HECW1: variants seen among roughly 807,000 people sequenced by gnomAD.
HECW1 encodes the protein HECT, C2 and WW domain containing E3 ubiquitin protein ligase 1.
Under a neutral mutation model 182.3 loss-of-function variants are expected in HECW1, and 61 were observed. The observed-to-expected ratio is 0.33, with a 90% confidence interval of 0.27 to 0.41. HECW1 has a LOEUF of 0.41. Among genes scored for constraint, HECW1 ranks in the 10% least tolerant of loss-of-function variants. HECW1 has a pLI of 1.00. For missense variants in HECW1, 1,739 were observed against 2,108.9 expected, an observed-to-expected ratio of 0.82 and a Z score of 3.44; for synonymous variants, 859 against 832.6, an observed-to-expected ratio of 1.03 and a Z score of -0.55.
rs1328771024 is a variant in HECW1, at chr7:43,565,037, T to G, written c.*3111T>G. 1 of 190,606 alleles carries G rather than the reference T, an allele frequency of 5.2e-6. No individual in the cohort carries two copies. The highest frequency in any genetic ancestry group is 2.3e-5 in the African/African-American group (1 of 42,896). The allele number at this position is 190,606 out of a possible 1,614,324, so 11.8% of individuals were successfully genotyped here. A position where few individuals can be genotyped will look rare whatever the true frequency, so the allele number is the denominator to read the frequency against. ...ACAAGAACAATAAATAAGAGAAGAT[T>G]TATGTTACAACTTTGAAAAATGCTT... On this transcript the variant is annotated 3_prime_UTR_variant, in exon 30 of 30. Coordinates refer to ENST00000395891, the MANE Select transcript of HECW1 (RefSeq NM_015052.5).
intron 21 of HECW1, among the ~76,000 whole-genome samples, chr7:43,503,271 G>A (rs1031728818): frequency 6.6e-6 from 1 of 152,168 alleles, no homozygotes; most frequent in African/African-American, 2.4e-5. Flanking sequence ...AGCACTCATA[G>A]GATGACCTAC....
chr7:43,416,641 T>G (rs1455532528), intron 8 of HECW1, among the ~76,000 whole-genome samples: 1 of 148,680 alleles, frequency 6.7e-6, no homozygotes, highest in East Asian at 2.0e-4. Context: ...GCTGCCGCCT[T>G]GCAGTTTGAT....
intron 2 of HECW1, among the ~76,000 whole-genome samples, chr7:43,126,775 TTA>T (rs1562572838): frequency 6.6e-6 from 1 of 152,210 alleles, no homozygotes; most frequent in Non-Finnish European, 1.5e-5. Flanking sequence ...TTAAGCTTCT[TTA>T]TTATGATATC....
At chr7:43,493,330 CG>C (rs1356597469) in intron 19 of HECW1, 150 bp downstream of exon 19, 2 of 559,726 alleles carry the variant, frequency 3.6e-6, no homozygotes, top group East Asian at 2.9e-5. Context: ...ATGAAGGGTT[CG>C]GGGTTCCTGT....
chr7:43,456,179 C>A, intron 12 of HECW1, 118 bp from the exon 13 acceptor site: 1 of 1,023,646 alleles, frequency 9.8e-7, no homozygotes, highest in Non-Finnish European at 1.4e-6. Flanking sequence ...CAGGGTCTGG[C>A]CTGCAGCCAT....
chr7:43,497,588 G>A (rs1338793264), intron 19 of HECW1, among the ~76,000 whole-genome samples: 4 of 152,158 alleles, frequency 2.6e-5, no homozygotes, highest in Non-Finnish European at 5.9e-5. Context: ...AGGCTGGGGA[G>A]GGGCATAAGA....
intron 2 of HECW1, among the ~76,000 whole-genome samples, chr7:43,134,935 G>T (rs942891116): frequency 2.0e-5 from 3 of 152,214 alleles, no homozygotes; most frequent in Middle Eastern, 3.4e-3. Context: ...AGAGCATTTT[G>T]CTAAAATGTC....
chr7:43,498,505 C>T (rs1254242164), intron 19 of HECW1, among the ~76,000 whole-genome samples: 2 of 152,072 alleles, frequency 1.3e-5, no homozygotes, highest in Non-Finnish European at 2.9e-5. Flanking sequence ...TTCCAAATAA[C>T]GGGGCTGTGA....
intron 2 of HECW1, among the ~76,000 whole-genome samples, chr7:43,175,672 G>C (rs748344120): frequency 2.0e-5 from 3 of 152,184 alleles, no homozygotes; most frequent in Non-Finnish European, 4.4e-5. Flanking sequence ...GCTAGACCTT[G>C]TCCGTGGATG....
At chr7:43,479,799 C>A (rs1217896722) in intron 17 of HECW1, 55 bp downstream of exon 17, 9 of 1,602,362 alleles carry the variant, frequency 5.6e-6, no homozygotes, top group Non-Finnish European at 7.7e-6. Flanking sequence ...TCTGCCTCTT[C>A]CATGGGAGCA....
At chr7:43,325,379 C>T (rs773851222) in intron 5 of HECW1, among the ~76,000 whole-genome samples, 7 of 152,200 alleles carry the variant, frequency 4.6e-5, no homozygotes, top group Non-Finnish European at 8.8e-5. Flanking sequence ...CTAGCACAGT[C>T]CTTGTTCATT....
rs1792339104 is a variant in HECW1 at position 43,177,132 on chromosome 7, G to A, written c.-32+62741G>A. Among the ~76,000 whole-genome samples the A allele has an allele frequency of 3.3e-5, 5 of 151,980 alleles. No individual in the cohort carries two copies. In the South Asian group the frequency reaches 1.0e-3, roughly 32 times the overall value. On this transcript the variant is annotated intron_variant, in intron 2 of 29. Transcript: ENST00000395891. ...TGCATATAAACTTTTTTTTTCTATG[G>A]CATTCAACATATTTGGAACTATTAC...
rs1792458959 is a variant in HECW1 at position 43,178,284 on chromosome 7, G to A, written c.-32+63893G>A. Among the ~76,000 whole-genome samples, 4 of 149,962 alleles carry A rather than the reference G, an allele frequency of 2.7e-5. No homozygotes were observed. In the South Asian group the frequency reaches 8.4e-4, roughly 32 times the overall value. On this transcript the variant is annotated intron_variant, in intron 2 of 29. Transcript: ENST00000395891. Reference sequence around the variant, plus strand: ...GCCTCCCAAAGTACTGGGATTACAGGCGTGAGCCACCGCACCTGGCCAGCA... The same window carrying A: ...GCCTCCCAAAGTACTGGGATTACAGACGTGAGCCACCGCACCTGGCCAGCA...
chr7:43,424,098 G>T (rs1345802608), intron 8 of HECW1, among the ~76,000 whole-genome samples: 2 of 152,090 alleles, frequency 1.3e-5, no homozygotes, highest in Non-Finnish European at 2.9e-5. Flanking sequence ...ACATAAAACG[G>T]CCACAGCAGA....
intron 3 of HECW1, among the ~76,000 whole-genome samples, chr7:43,250,734 G>A (rs1348973236): frequency 6.6e-6 from 1 of 152,156 alleles, no homozygotes; most frequent in Non-Finnish European, 1.5e-5. Flanking sequence ...TTATTTGGCT[G>A]CCGGTGCTTT....
At chr7:43,296,198 C>G (rs1806027361) in intron 3 of HECW1, among the ~76,000 whole-genome samples, 1 of 152,174 alleles carries the variant, frequency 6.6e-6, no homozygotes, top group African/African-American at 2.4e-5. Flanking sequence ...TCCCAACTAT[C>G]TTGTAAAACG....
rs888068960 is a variant in HECW1, at chr7:43,243,277, T to C, written c.-31-598T>C. On this transcript the variant is annotated intron_variant, in intron 2 of 29. Coordinates refer to ENST00000395891, the MANE Select transcript of HECW1 (RefSeq NM_015052.5). This position sits in a 1 kb window ranked among gnomAD's most constrained non-coding sequence, Gnocchi z 4.0. ...AAGTCCTGTATGCTAATTTTGGACA[T>C]GGTAGCTCTAAAGTGCCAATGGTGA... 6.6e-6 allele frequency among the ~76,000 whole-genome samples: 1 copy of C among 152,312 alleles called. No individual in the cohort carries two copies. Among genetic ancestry groups the C allele is most frequent in the African/African-American group, 2.4e-5 (1 of 41,566 alleles).
At chr7:43,417,529 A>G (rs76605188) in intron 8 of HECW1, among the ~76,000 whole-genome samples, 14,122 of 152,102 alleles carry the variant, frequency 0.093, 869 homozygotes, top group East Asian at 0.25. Context: ...CTGGATATAG[A>G]ATTCTGGGTT....
In HECW1 at chr7:43,519,676, T is replaced by C. The variant is rs28578362; in HGVS notation, c.4019+10555T>C. ...ATCGGCAGGGGAATGGTTAAATGTA[T>C]TACAGCAGATCCACACTGCACAGTC... is the stretch of plus-strand genomic sequence containing the variant. On this transcript the variant is annotated intron_variant, in intron 24 of 29. Transcript: ENST00000395891. Among the ~76,000 whole-genome samples the C allele has an allele frequency of 3.4e-3, 518 of 151,322 alleles. 8 individuals are homozygous for C. In the East Asian group the frequency reaches 0.049, roughly 14 times the overall value.
Sources: allele counts gnomAD v4.1 joint callset (sites outside exome capture counted in the v4.1 genomes callset), GRCh38; gene constraint gnomAD v4.1.1; non-coding constraint Gnocchi (gnomAD v3.1); transcripts MANE v1.5; gene names NCBI Gene and HGNC (gene_info 2026-07-23, HGNC 2026-07-21).